The following AP3B1 variants were observed in gnomAD, a reference collection of about 807,000 sequenced individuals.
AP3B1 encodes the protein adaptor related protein complex 3 subunit beta 1, also known as AP-3 complex subunit beta-1.
In AP3B1, 61 loss-of-function variants were observed where a neutral mutation model predicts 132.5. The observed-to-expected ratio is 0.46, with a 90% confidence interval of 0.37 to 0.57. The LOEUF (loss-of-function observed/expected upper bound fraction) is 0.57, where lower values mean the gene tolerates loss of function less well. AP3B1 is among the 20% of genes least tolerant of loss of function. The pLI is 0.00. For missense variants in AP3B1, 1,120 were observed against 1,289.4 expected (o/e 0.87, Z 2.01); for synonymous variants, 388 against 438.3 (o/e 0.89, Z 1.43).
chr5:78,289,036 C>CT (rs35350892), intron 1 of AP3B1, among the ~76,000 whole-genome samples: 34,972 of 151,290 alleles, frequency 0.23, 4,603 homozygotes, highest in Middle Eastern at 0.31. Context: ...GTTTAGAACC[C>CT]ATAGTGAGAC....
chr5:78,023,551 A>G (rs547735998), intron 24 of AP3B1, among the ~76,000 whole-genome samples: 2 of 152,336 alleles, frequency 1.3e-5, no homozygotes, highest in Admixed American at 1.3e-4. Context: ...GGTGTAGGGA[A>G]GAGCTGAAGC....
At chr5:78,035,457 AG>A (rs1204816973) in intron 23 of AP3B1, among the ~76,000 whole-genome samples, 1 of 152,020 alleles carries the variant, frequency 6.6e-6, no homozygotes, top group Non-Finnish European at 1.5e-5. Context: ...TGACTATTCT[AG>A]GGCTTCTTGG....
chr5:78,177,510 A>G (rs1374120639), intron 8 of AP3B1, 74 bp from the exon 9 acceptor site: 4 of 1,073,772 alleles, frequency 3.7e-6, no homozygotes, highest in Non-Finnish European at 5.8e-6. Flanking sequence ...CCATTCCTAC[A>G]CATTATTTCC....
At chr5:78,171,284 G>A (rs1743903447) in intron 11 of AP3B1, among the ~76,000 whole-genome samples, 1 of 152,180 alleles carries the variant, frequency 6.6e-6, no homozygotes, top group Non-Finnish European at 1.5e-5. Context: ...GTCATTGGTA[G>A]CTTGATGGGG....
chr5:78,092,778 G>T (rs1750583214), intron 21 of AP3B1, among the ~76,000 whole-genome samples: 1 of 151,796 alleles, frequency 6.6e-6, no homozygotes, highest in East Asian at 1.9e-4. Context: ...CTCCTGAGTA[G>T]CTAGTATTAC....
intron 22 of AP3B1, among the ~76,000 whole-genome samples, chr5:78,058,614 T>G (rs1748915487): frequency 6.6e-6 from 1 of 152,188 alleles, no homozygotes; most frequent in African/African-American, 2.4e-5. Context: ...TAGGAAGATA[T>G]GACACTTTAT....
chr5:78,116,267 T>G, intron 17 of AP3B1, 33 bp from the exon 18 acceptor site: 1 of 1,548,416 alleles, frequency 6.5e-7, no homozygotes, highest in Non-Finnish European at 8.9e-7. Flanking sequence ...TATAAATGAA[T>G]TCTCATTCAG....
intron 5 of AP3B1, among the ~76,000 whole-genome samples, chr5:78,226,788 A>C (rs1746416384): frequency 2.0e-5 from 3 of 152,164 alleles, no homozygotes; most frequent in African/African-American, 7.2e-5. Context: ...CTATTTGGAC[A>C]GTAAATTTTC....
chr5:78,148,208 T>A (rs868233324), intron 14 of AP3B1, among the ~76,000 whole-genome samples: 1 of 152,204 alleles, frequency 6.6e-6, no homozygotes, highest in African/African-American at 2.4e-5. Flanking sequence ...GTATAGCAGC[T>A]GCACTCTCCT....
rs1316375696 is a variant in AP3B1, at chr5:78,181,516, C to G, written c.933G>C (p.Arg311Ser). ...AAGGATTTTAACATACCGCAGCATT[C>G]CTGCTCTGAAGCAAAGGCTTTGTAT... ...IRNTKPLLQSRNAAVVMAVAQ... is the reference protein window; with the variant it reads ...IRNTKPLLQSSNAAVVMAVAQ... Residue 311 changes from arginine to serine, a missense_variant, in exon 8 of 27, where the codon AGG (arginine) becomes AGC (serine). By Grantham distance (110) the Arg-to-Ser change is moderately radical (BLOSUM62 -1). Around this residue, in one of 3 missense-constraint regions of AP3B1, gnomAD observed 906 missense variants for 997.1 expected, o/e 0.91. Transcript: ENST00000255194. The G allele has an allele frequency of 6.2e-7, 1 of 1,612,662 alleles. No individual in the cohort carries two copies.
chr5:78,101,022 T>C lies in AP3B1; in HGVS notation c.2401A>G (p.Lys801Glu), dbSNP rs765769050. Reference sequence around the variant, plus strand: ...CTATCTTGCTTTGTTTTCTTTTCTTTCTCCTATAAAATAACAAATATTTCA... The same window carrying C: ...CTATCTTGCTTTGTTTTCTTTTCTTCCTCCTATAAAATAACAAATATTTCA... Reference protein sequence around the residue: ...ESESRRVTKEKEKKTKQDRTP... With the variant: ...ESESRRVTKEEEKKTKQDRTP... Residue 801 changes from lysine (K) to glutamate (E), a missense_variant, in exon 21 of 27, where the codon AAA becomes GAA. By Grantham distance (56) the Lys-to-Glu change is moderately conservative. This residue lies in a region of AP3B1 where 906 missense variants were observed against 997.1 expected (regional missense o/e 0.91). Transcript: ENST00000255194. 4 of 1,501,456 alleles carry C rather than the reference T, an allele frequency of 2.7e-6. No individual in the cohort carries two copies. The Admixed American group carries it at 6.9e-5, about 26-fold the overall frequency. The allele number at this position is 1,501,456 out of a possible 1,614,324, so 93.0% of individuals were successfully genotyped here. A position where few individuals can be genotyped will look rare whatever the true frequency, so the allele number is the denominator to read the frequency against.
chr5:78,198,872 T>C (rs1745177016), intron 7 of AP3B1, among the ~76,000 whole-genome samples: 2 of 152,208 alleles, frequency 1.3e-5, no homozygotes, highest in African/African-American at 2.4e-5. Context: ...TCACGTTTAA[T>C]AAAACTTTTA....
chr5:78,037,294 A>C (rs1198995203), intron 23 of AP3B1, among the ~76,000 whole-genome samples: 1 of 152,148 alleles, frequency 6.6e-6, no homozygotes. Context: ...GACACTTCCT[A>C]AACTAATTTT....
intron 11 of AP3B1, among the ~76,000 whole-genome samples, chr5:78,169,350 A>G (rs1007061038): frequency 1.3e-5 from 2 of 152,198 alleles, no homozygotes; most frequent in African/African-American, 4.8e-5. Flanking sequence ...CCCAAACATC[A>G]TCTTTTCTAA....
intron 15 of AP3B1, among the ~76,000 whole-genome samples, chr5:78,130,871 T>C (rs1222185082): frequency 6.6e-6 from 1 of 152,016 alleles, no homozygotes; most frequent in African/African-American, 2.4e-5. Flanking sequence ...GCAATGATTT[T>C]TTTGAGCTAG....
intron 19 of AP3B1, among the ~76,000 whole-genome samples, chr5:78,112,012 C>T (rs1283427685): frequency 6.6e-6 from 1 of 151,872 alleles, no homozygotes; most frequent in Non-Finnish European, 1.5e-5. Flanking sequence ...ATGAAAATAC[C>T]TTGGAGTGTA....
chr5:78,095,096 G>A (rs1486329577), intron 21 of AP3B1, among the ~76,000 whole-genome samples: 1 of 152,064 alleles, frequency 6.6e-6, no homozygotes, highest in Non-Finnish European at 1.5e-5. Flanking sequence ...TCTATAATGC[G>A]GCAATCTAAT....
intron 6 of AP3B1, among the ~76,000 whole-genome samples, chr5:78,216,769 C>A (rs544454246): frequency 6.6e-6 from 1 of 151,908 alleles, no homozygotes; most frequent in Non-Finnish European, 1.5e-5. Flanking sequence ...CGGTTTTTAC[C>A]CAATATAATT....
intron 24 of AP3B1, among the ~76,000 whole-genome samples, chr5:78,025,458 G>A (rs1336534490): frequency 1.3e-5 from 2 of 152,126 alleles, no homozygotes; most frequent in African/African-American, 2.4e-5. Context: ...CATATTTTTC[G>A]GCCTCTCTTG....
Sources: allele counts gnomAD v4.1 joint callset (sites outside exome capture counted in the v4.1 genomes callset), GRCh38; gene constraint gnomAD v4.1.1; regional missense constraint gnomAD v4.1.1; transcripts MANE v1.5; gene names NCBI Gene and HGNC (gene_info 2026-07-23, HGNC 2026-07-21).